The following CSMD1 variants were observed in gnomAD, a reference collection of about 807,000 sequenced individuals.
The protein encoded by CSMD1 is CUB and Sushi multiple domains 1.
A neutral mutation model predicts 417.5 loss-of-function variants in CSMD1; 213 were observed. The ratio of observed to expected loss-of-function variants is 0.51; its 90% CI spans 0.46 to 0.57. The LOEUF is 0.57. Among genes scored for constraint, CSMD1 ranks in the 20% least tolerant of loss-of-function variants. The pLI, the probability that CSMD1 is intolerant of heterozygous loss-of-function variation, is 0.00. For synonymous variants in CSMD1, 2,862 were observed against 1,736.8 expected, an observed-to-expected ratio of 1.65 and a Z score of -16.11; for missense variants, 6,923 against 4,529.7, an observed-to-expected ratio of 1.53 and a Z score of -15.17.
chr8:3,313,275 G>C (rs114110965), intron 23 of CSMD1, among the ~76,000 whole-genome samples: 1 of 152,080 alleles, frequency 6.6e-6, no homozygotes, highest in African/African-American at 2.4e-5. Context: ...AAATGGGATC[G>C]GATTAAACTA....
At chr8:3,986,365 C>T (rs897828195) in intron 5 of CSMD1, among the ~76,000 whole-genome samples, 10 of 152,106 alleles carry the variant, frequency 6.6e-5, no homozygotes, top group African/African-American at 1.2e-4. Context: ...CACTGAGACA[C>T]CCCCAGCCAA....
intron 5 of CSMD1, among the ~76,000 whole-genome samples, chr8:3,787,031 C>G (rs187049429): frequency 7.2e-5 from 11 of 152,230 alleles, no homozygotes; most frequent in Non-Finnish European, 1.6e-4. Context: ...ACTTAAGTAA[C>G]TTCTATGTGT....
intron 7 of CSMD1, among the ~76,000 whole-genome samples, chr8:3,688,799 C>G (rs1475249717): frequency 6.6e-6 from 1 of 151,720 alleles, no homozygotes; most frequent in African/African-American, 2.4e-5. Context: ...TACTGTAATA[C>G]TATAGTAAAT....
intron 10 of CSMD1, among the ~76,000 whole-genome samples, chr8:3,514,958 G>A (rs1220200476): frequency 1.3e-5 from 2 of 151,926 alleles, no homozygotes; most frequent in African/African-American, 4.8e-5. Context: ...AAATATTATT[G>A]GAATATATCA....
intron 4 of CSMD1, among the ~76,000 whole-genome samples, chr8:4,023,372 G>T (rs932312180): frequency 6.6e-6 from 1 of 152,086 alleles, no homozygotes; most frequent in Non-Finnish European, 1.5e-5. Context: ...GAACAACAAT[G>T]CCCTGGTCCA....
chr8:4,384,133 T>A (rs530344189), intron 3 of CSMD1, among the ~76,000 whole-genome samples: 56 of 152,308 alleles, frequency 3.7e-4, no homozygotes, highest in Non-Finnish European at 7.2e-4. Context: ...GCTTTTATCA[T>A]ACTTGAGCCT....
At chr8:4,254,424 G>T (rs547150925) in intron 3 of CSMD1, among the ~76,000 whole-genome samples, 6 of 152,170 alleles carry the variant, frequency 3.9e-5, no homozygotes, top group Non-Finnish European at 8.8e-5. Context: ...AGTCCCCTTA[G>T]ATTATAGTGG....
chr8:3,783,734 C>G (rs572365022), intron 5 of CSMD1, among the ~76,000 whole-genome samples: 2 of 152,208 alleles, frequency 1.3e-5, no homozygotes, highest in Non-Finnish European at 2.9e-5. Context: ...CATTCTTACT[C>G]CTGCTATTCA....
intron 3 of CSMD1, among the ~76,000 whole-genome samples, chr8:4,052,642 T>G (rs1798492115): frequency 6.6e-6 from 1 of 152,134 alleles, no homozygotes; most frequent in Admixed American, 6.5e-5. Flanking sequence ...GGCATCTCCT[T>G]TGGAAAAGAA....
At chr8:3,428,892 C>G (rs62505579) in intron 12 of CSMD1, among the ~76,000 whole-genome samples, 1 of 152,126 alleles carries the variant, frequency 6.6e-6, no homozygotes, top group Admixed American at 6.5e-5. Flanking sequence ...TGCAGCAACA[C>G]GGATGAGCCT....
intron 11 of CSMD1, among the ~76,000 whole-genome samples, chr8:3,474,380 G>C (rs928984262): frequency 7.9e-5 from 12 of 151,838 alleles, no homozygotes; most frequent in African/African-American, 2.7e-4. Flanking sequence ...CGGGGGAAGA[G>C]GTTTTCCTGA....
At chr8:4,676,220 T>G (rs187330251) in intron 1 of CSMD1, among the ~76,000 whole-genome samples, 1 of 152,214 alleles carries the variant, frequency 6.6e-6, no homozygotes, top group Non-Finnish European at 1.5e-5. Flanking sequence ...GTACTTGGGA[T>G]TGAAGATTCT....
At chr8:4,698,882 T>G (rs1342192949) in intron 1 of CSMD1, among the ~76,000 whole-genome samples, 2 of 150,198 alleles carry the variant, frequency 1.3e-5, no homozygotes, top group African/African-American at 4.9e-5. Flanking sequence ...ATCCAACTCT[T>G]AAACATGTGC....
rs546342717 is a variant in CSMD1 at position 4,040,988 on chromosome 8, A to G, written c.416-8889T>C. Among the ~76,000 whole-genome samples the G allele has an allele frequency of 5.8e-3, 715 of 122,884 alleles. 1 individual carries two copies. Among genetic ancestry groups the G allele is most frequent in the African/African-American group, 0.024 (670 of 27,780 alleles). The allele number at this position is 122,884 out of a possible 152,430, so 80.6% of individuals were successfully genotyped here. On this transcript the variant is annotated intron_variant, in intron 3 of 69. Coordinates refer to ENST00000635120, the MANE Select transcript of CSMD1 (RefSeq NM_033225.6). ...CACTAGTGAATCCTCACGTGGTCCT[A>G]TATTTTCTTTTCTTTCTTTTTTTTT...
chr8:4,288,310 G>A (rs559421603), intron 3 of CSMD1, among the ~76,000 whole-genome samples: 2 of 152,030 alleles, frequency 1.3e-5, no homozygotes, highest in Non-Finnish European at 1.5e-5. Flanking sequence ...TATTTTTGGG[G>A]CCACCCTGAA....
chr8:3,399,561 C>A, intron 15 of CSMD1, 32 bp from the exon 16 acceptor site: 2 of 1,524,198 alleles, frequency 1.3e-6, no homozygotes, highest in Non-Finnish European at 8.8e-7. Context: ...CTATTAGATC[C>A]AATGAGACAG....
intron 2 of CSMD1, among the ~76,000 whole-genome samples, chr8:4,594,514 T>A (rs1800156310): frequency 6.6e-6 from 1 of 152,080 alleles, no homozygotes; most frequent in African/African-American, 2.4e-5. Flanking sequence ...ATGATCTGTT[T>A]CTAAATAAGG....
At chr8:3,680,976 C>CT (rs918149209) in intron 7 of CSMD1, among the ~76,000 whole-genome samples, 1 of 152,144 alleles carries the variant, frequency 6.6e-6, no homozygotes, top group African/African-American at 2.4e-5. Flanking sequence ...AAGCCTTTGA[C>CT]AAAATTCAAC....
At chr8:4,515,046 A>G (rs1803040647) in intron 2 of CSMD1, among the ~76,000 whole-genome samples, 1 of 152,136 alleles carries the variant, frequency 6.6e-6, no homozygotes, top group African/African-American at 2.4e-5. Context: ...TTTCAGAACT[A>G]CACTCCACAC....
Sources: allele counts gnomAD v4.1 joint callset (sites outside exome capture counted in the v4.1 genomes callset), GRCh38; gene constraint gnomAD v4.1.1; transcripts MANE v1.5; gene names NCBI Gene and HGNC (gene_info 2026-07-23, HGNC 2026-07-21).